SLC25A12: variants seen among roughly 807,000 people sequenced by gnomAD.
SLC25A12 encodes electrogenic aspartate/glutamate antiporter SLC25A12, mitochondrial.
SLC25A12 carries 32 observed loss-of-function variants against 83.3 expected under a neutral mutation model. The observed-to-expected ratio is 0.38, with a 90% CI of 0.29 to 0.52. SLC25A12 has a LOEUF of 0.52. Among genes scored for constraint, SLC25A12 ranks in the 20% least tolerant of loss-of-function variants. The probability of loss-of-function intolerance (pLI) is 0.84; values close to 1 mark genes in which losing one functional copy is unlikely to be tolerated. For synonymous variants in SLC25A12, 267 were observed against 291.1 expected, an observed-to-expected ratio of 0.92 and a Z score of 0.84; for missense variants, 611 against 835.6, an observed-to-expected ratio of 0.73 and a Z score of 3.31.
intron 2 of SLC25A12, among the ~76,000 whole-genome samples, chr2:171,869,310 C>T (rs911857290): frequency 3.9e-5 from 6 of 152,030 alleles, no homozygotes; most frequent in South Asian, 4.1e-4. Flanking sequence ...GAATTGTATA[C>T]GTTAAAATGG....
intron 8 of SLC25A12, among the ~76,000 whole-genome samples, chr2:171,833,113 G>C (rs1287280520): frequency 2.0e-5 from 3 of 152,102 alleles, no homozygotes; most frequent in Admixed American, 2.0e-4. Context: ...AGACGATTAA[G>C]CTTCAAATGA....
At chr2:171,856,653 T>C (rs977472999) in intron 3 of SLC25A12, 1 of 152,200 alleles carries the variant, frequency 6.6e-6, no homozygotes, top group Non-Finnish European at 1.5e-5. Context: ...TTATTATATG[T>C]GCTGCTGAGG....
At chr2:171,877,622 G>A (rs1216947675) in intron 2 of SLC25A12, among the ~76,000 whole-genome samples, 1 of 148,372 alleles carries the variant, frequency 6.7e-6, no homozygotes, top group Non-Finnish European at 1.5e-5. Context: ...CCGAGATCGT[G>A]CCACTCACTG....
chr2:171,837,352 C>T (rs1684581254), intron 5 of SLC25A12, 85 bp from the exon 6 acceptor site: 3 of 1,401,492 alleles, frequency 2.1e-6, no homozygotes, highest in South Asian at 1.2e-5. Flanking sequence ...GACAGATATC[C>T]TTCCCACACA....
At chr2:171,839,391 A>AAGGT (rs938833736) in intron 5 of SLC25A12, among the ~76,000 whole-genome samples, 1 of 152,176 alleles carries the variant, frequency 6.6e-6, no homozygotes. Context: ...TTGGGTTAAA[A>AAGGT]AGGTAGGTAG....
At chr2:171,874,319 G>A (rs975048265) in intron 2 of SLC25A12, among the ~76,000 whole-genome samples, 2 of 152,216 alleles carry the variant, frequency 1.3e-5, no homozygotes, top group African/African-American at 2.4e-5. Flanking sequence ...TTGAACCCGG[G>A]AGGCAGAGGT....
At chr2:171,860,751 G>A (rs1446523767) in intron 3 of SLC25A12, among the ~76,000 whole-genome samples, 1 of 151,984 alleles carries the variant, frequency 6.6e-6, no homozygotes, top group Non-Finnish European at 1.5e-5. Context: ...TAGAGGGATG[G>A]ATGGATATAT....
rs528098875 is a variant in SLC25A12 at position 171,868,957 on chromosome 2, T to C, written c.67-134A>G. 125 of 788,884 alleles carry C rather than the reference T, an allele frequency of 1.6e-4. No homozygotes were observed. The South Asian group carries it at 2.0e-3, about 13-fold the overall frequency. 48.9% of individuals were successfully genotyped at this position (788,884 alleles called of 1,614,324 possible). The stretch of plus-strand genomic sequence containing the variant: ...AAAGATAATAAATGCAGAATTTTTC[T>C]CTGGATACCGAAAAATCAAATATTC... On this transcript the variant is annotated intron_variant, in intron 2 of 17. Coordinates refer to ENST00000422440, the MANE Select transcript of SLC25A12 (RefSeq NM_003705.5).
intron 13 of SLC25A12, among the ~76,000 whole-genome samples, chr2:171,797,682 T>A (rs1683627600): frequency 6.6e-6 from 1 of 152,184 alleles, no homozygotes; most frequent in Non-Finnish European, 1.5e-5. Flanking sequence ...TGGCGTTAGT[T>A]ACTGTGGACC....
At chr2:171,876,569 T>TC (rs1685579881) in intron 2 of SLC25A12, among the ~76,000 whole-genome samples, 1 of 146,256 alleles carries the variant, frequency 6.8e-6, no homozygotes, top group Non-Finnish European at 1.5e-5. Flanking sequence ...CAAGTGATCC[T>TC]CCCACCTCAG....
rs759777040 is a variant in SLC25A12, at chr2:171,831,643, C to T, written c.845+2320G>A. On this transcript the variant is annotated intron_variant, in intron 8 of 17. Transcript: ENST00000422440. ...GAAAGAGGCTGGGCCCAGTGGCTCA[C>T]GCCTGTAATCCCAGCACTTTGGGAG... 9.2e-5 allele frequency among the ~76,000 whole-genome samples: 14 copies of T among 152,184 alleles called. No homozygotes were observed. In the South Asian group the frequency reaches 1.7e-3, roughly 18 times the overall value.
At chr2:171,813,299 T>G (rs769241109) in intron 11 of SLC25A12, 40 bp downstream of exon 11, 27 of 1,610,542 alleles carry the variant, frequency 1.7e-5, no homozygotes, top group Admixed American at 8.3e-5. Context: ...GCTGGTGAGA[T>G]CAAATCACTA....
chr2:171,874,231 AAAT>A (rs1172227859), intron 2 of SLC25A12, among the ~76,000 whole-genome samples: 3 of 151,586 alleles, frequency 2.0e-5, no homozygotes, highest in African/African-American at 2.4e-5. Context: ...TGTCTCAAAA[AAAT>A]AATAATAATT....
intron 3 of SLC25A12, among the ~76,000 whole-genome samples, chr2:171,864,069 C>A (rs1372743445): frequency 6.6e-6 from 1 of 152,208 alleles, no homozygotes; most frequent in Non-Finnish European, 1.5e-5. Flanking sequence ...AATCTTTCTA[C>A]TTTATTACAA....
At chr2:171,809,072 T>C (rs1264137057) in intron 13 of SLC25A12, among the ~76,000 whole-genome samples, 2 of 152,224 alleles carry the variant, frequency 1.3e-5, no homozygotes, top group African/African-American at 4.8e-5. Flanking sequence ...CCATGGTGTA[T>C]ATGTGCCAAA....
At chr2:171,868,847 A>G (rs544902861) in intron 2 of SLC25A12, 24 bp from the exon 3 acceptor site, 1 of 1,582,784 alleles carries the variant, frequency 6.3e-7, no homozygotes, top group East Asian at 2.2e-5. Context: ...TAAATAATGC[A>G]TACTGAAAAA....
chr2:171,890,998 C>T (rs1273243006), intron 2 of SLC25A12, among the ~76,000 whole-genome samples: 1 of 152,112 alleles, frequency 6.6e-6, no homozygotes, highest in African/African-American at 2.4e-5. Context: ...AAATGAAAAG[C>T]TAAGATTTAA....
intron 2 of SLC25A12, among the ~76,000 whole-genome samples, chr2:171,892,370 C>T (rs113873495): frequency 7.9e-5 from 12 of 152,138 alleles, no homozygotes; most frequent in African/African-American, 1.7e-4. Flanking sequence ...GGACTACAGG[C>T]GCCCACCACC....
At chr2:171,855,985 G>T in intron 3 of SLC25A12, 36 bp from the exon 4 acceptor site, 2 of 1,134,486 alleles carry the variant, frequency 1.8e-6, no homozygotes, top group Non-Finnish European at 2.7e-6. Context: ...GGCTGGTGAA[G>T]AAAGGGAAAG....
Sources: allele counts gnomAD v4.1 joint callset (sites outside exome capture counted in the v4.1 genomes callset), GRCh38; gene constraint gnomAD v4.1.1; transcripts MANE v1.5; gene names NCBI Gene and HGNC (gene_info 2026-07-23, HGNC 2026-07-21).